The following CHST11 variants were observed in gnomAD, a reference collection of about 807,000 sequenced individuals.
CHST11 encodes the protein carbohydrate sulfotransferase 11.
Under a neutral mutation model 30.4 loss-of-function variants are expected in CHST11, and 9 were observed. That is an observed-to-expected ratio of 0.30 (90% CI 0.18 to 0.52). The LOEUF (loss-of-function observed/expected upper bound fraction) is 0.52. Among genes scored for constraint, CHST11 ranks in the 20% least tolerant of loss-of-function variants. The probability of loss-of-function intolerance (pLI) is 0.97; values close to 1 mark genes in which losing one functional copy is unlikely to be tolerated. For synonymous variants in CHST11, 152 were observed against 187.8 expected (o/e 0.81, Z 1.56); for missense variants, 348 against 460.6 (o/e 0.76, Z 2.24).
At position 104,457,222 on chromosome 12, in the gene CHST11, C is replaced by T. The variant is rs2037358481; in HGVS notation, c.-190C>T. 2 of 538,006 alleles carry T rather than the reference C, an allele frequency of 3.7e-6. No homozygotes were observed. Among genetic ancestry groups the T allele is most frequent in the South Asian group, 2.4e-5 (1 of 41,416 alleles). The allele number at this position is 538,006 out of a possible 1,614,324, so 33.3% of individuals were successfully genotyped here. On this transcript the variant is annotated 5_prime_UTR_variant, in exon 1 of 3. Transcript: ENST00000303694. ...CATCTCAGCACTTCCAGACCAACTCCGGCACCTTCCACACCCCTGCCCGGG... is the reference window on the plus strand; with the variant it reads ...CATCTCAGCACTTCCAGACCAACTCTGGCACCTTCCACACCCCTGCCCGGG...
At chr12:104,576,025 T>C (rs974659235) in intron 1 of CHST11, among the ~76,000 whole-genome samples, 4 of 151,698 alleles carry the variant, frequency 2.6e-5, no homozygotes, top group African/African-American at 9.7e-5. Context: ...GCATGAGCTT[T>C]GGTCTCTAAA....
At chr12:104,587,519 T>A (rs2038816326) in intron 1 of CHST11, among the ~76,000 whole-genome samples, 1 of 152,164 alleles carries the variant, frequency 6.6e-6, no homozygotes, top group South Asian at 2.1e-4. Context: ...CACTTCAGCC[T>A]CCCCAGTGGC....
chr12:104,650,874 G>C (rs575050982), intron 2 of CHST11, among the ~76,000 whole-genome samples: 1 of 152,230 alleles, frequency 6.6e-6, no homozygotes, highest in African/African-American at 2.4e-5. Context: ...GAATGGGGAC[G>C]TGGGAGCCAG....
intron 2 of CHST11, among the ~76,000 whole-genome samples, chr12:104,713,646 T>C (rs1168575195): frequency 6.6e-6 from 1 of 152,154 alleles, no homozygotes; most frequent in Non-Finnish European, 1.5e-5. Context: ...AAGGATGCCG[T>C]GCTGGGCCAC....
chr12:104,493,919 G>A (rs1457738592), intron 1 of CHST11, among the ~76,000 whole-genome samples: 1 of 152,124 alleles, frequency 6.6e-6, no homozygotes, highest in Non-Finnish European at 1.5e-5. Flanking sequence ...CATCTCTTGG[G>A]CTCAAGTGAT....
chr12:104,671,450 G>A (rs191226519), intron 2 of CHST11, among the ~76,000 whole-genome samples: 3 of 152,326 alleles, frequency 2.0e-5, no homozygotes, highest in East Asian at 3.9e-4. Context: ...TGCTTGGAAT[G>A]CCTGTCTACT....
intron 2 of CHST11, among the ~76,000 whole-genome samples, chr12:104,690,627 A>G (rs1160850510): frequency 6.6e-6 from 1 of 152,152 alleles, no homozygotes; most frequent in Non-Finnish European, 1.5e-5. Flanking sequence ...AGAGTTCTAG[A>G]CCGGCCTGGG....
intron 1 of CHST11, among the ~76,000 whole-genome samples, chr12:104,551,810 C>T (rs1407733977): frequency 6.6e-6 from 1 of 151,890 alleles, no homozygotes; most frequent in Non-Finnish European, 1.5e-5. Context: ...GGTTGGGCGA[C>T]GTAGGTGTGG....
chr12:104,744,422 A>C (rs915005776), intron 2 of CHST11, among the ~76,000 whole-genome samples: 2 of 152,042 alleles, frequency 1.3e-5, no homozygotes. Context: ...CTGTCTGTTC[A>C]CATCCTCTGC....
In CHST11 at chr12:104,615,645, G is replaced by T. The variant is rs564673960; in HGVS notation, c.204+13654G>T. The stretch of plus-strand genomic sequence containing the variant: ...CACTTGTAAAATGAGAATAAGAATT[G>T]GCCGGGCTCGGTGGCTCACGCTTGT... On this transcript the variant is annotated intron_variant, in intron 2 of 2. Transcript: ENST00000303694. Among the ~76,000 whole-genome samples, 94 of 152,284 alleles carry T rather than the reference G, an allele frequency of 6.2e-4. No homozygotes were observed. In the South Asian group the frequency reaches 0.019, roughly 31 times the overall value.
At chr12:104,659,817 AAAT>A in intron 2 of CHST11, among the ~76,000 whole-genome samples, 1 of 148,474 alleles carries the variant, frequency 6.7e-6, no homozygotes, top group Non-Finnish European at 1.5e-5. Context: ...CCATCTCTAC[AAAT>A]AATTTTTAAA....
chr12:104,673,595 T>C (rs1444098676), intron 2 of CHST11, among the ~76,000 whole-genome samples: 1 of 152,206 alleles, frequency 6.6e-6, no homozygotes, highest in East Asian at 1.9e-4. Flanking sequence ...ACTCCATAAA[T>C]ATCAACCATT....
intron 1 of CHST11, among the ~76,000 whole-genome samples, chr12:104,516,676 G>A (rs1258948904): frequency 6.6e-6 from 1 of 152,000 alleles, no homozygotes; most frequent in Non-Finnish European, 1.5e-5. Flanking sequence ...GCCATCCATT[G>A]AAAATTGGCC....
intron 2 of CHST11, among the ~76,000 whole-genome samples, chr12:104,713,072 T>C (rs1401173632): frequency 6.7e-6 from 1 of 150,010 alleles, no homozygotes; most frequent in Non-Finnish European, 1.5e-5. Flanking sequence ...ATAGGGAAAA[T>C]GGTTAGCACA....
chr12:104,591,198 TG>T (rs1220759721), intron 1 of CHST11, among the ~76,000 whole-genome samples: 1 of 152,018 alleles, frequency 6.6e-6, no homozygotes, highest in Non-Finnish European at 1.5e-5. Flanking sequence ...GGCTATATCA[TG>T]GGGGGCCTCT....
chr12:104,610,043 CTGTGTGTGTGTGTGTGTGTG>C (rs56983056), intron 2 of CHST11, among the ~76,000 whole-genome samples: 3,103 of 143,160 alleles, frequency 0.022, 64 homozygotes, highest in African/African-American at 0.051. Flanking sequence ...ATGAGTGCCT[CTGTGTGTGTGTGTGTGTGTG>C]TGTGTGTGTG....
chr12:104,629,372 T>A (rs1592803844), intron 2 of CHST11, among the ~76,000 whole-genome samples: 1 of 152,224 alleles, frequency 6.6e-6, no homozygotes, highest in South Asian at 2.1e-4. Context: ...AATTGTTTCC[T>A]TGTAGCCATA....
At chr12:104,709,902 A>G (rs1253995315) in intron 2 of CHST11, among the ~76,000 whole-genome samples, 1 of 152,208 alleles carries the variant, frequency 6.6e-6, no homozygotes, top group Non-Finnish European at 1.5e-5. Context: ...TAAAGCTGTT[A>G]TTCAAAACTT....
chr12:104,582,453 T>G (rs2038755721), intron 1 of CHST11, among the ~76,000 whole-genome samples: 1 of 152,160 alleles, frequency 6.6e-6, no homozygotes, highest in Non-Finnish European at 1.5e-5. Context: ...CAGACAGATA[T>G]GTTGCCCCTG....
Sources: allele counts gnomAD v4.1 joint callset (sites outside exome capture counted in the v4.1 genomes callset), GRCh38; gene constraint gnomAD v4.1.1; transcripts MANE v1.5; gene names NCBI Gene and HGNC (gene_info 2026-07-23, HGNC 2026-07-21).